MYO1D: variants seen among roughly 807,000 people sequenced by gnomAD.
MYO1D encodes the protein myosin ID.
A neutral mutation model predicts 122.0 loss-of-function variants in MYO1D; 83 were observed. The observed-to-expected ratio is 0.68, with a 90% CI of 0.57 to 0.82. The LOEUF (loss-of-function observed/expected upper bound fraction) is 0.82. Ranked by LOEUF, MYO1D falls within the 40% of genes least tolerant of loss-of-function variation. The pLI, the probability that MYO1D is intolerant of heterozygous loss-of-function variation, is 0.00. For synonymous variants in MYO1D, 464 were observed against 446.9 expected, an observed-to-expected ratio of 1.04 and a Z score of -0.48; for missense variants, 1,157 against 1,269.5, an observed-to-expected ratio of 0.91 and a Z score of 1.35.
At chr17:32,799,414 A>G (rs1386346366) in intron 1 of MYO1D, among the ~76,000 whole-genome samples, 2 of 152,156 alleles carry the variant, frequency 1.3e-5, no homozygotes, top group Non-Finnish European at 2.9e-5. Context: ...AAAATCTTTA[A>G]TTGTTCTAAA....
chr17:32,804,404 A>G (rs1389703405), intron 1 of MYO1D, among the ~76,000 whole-genome samples: 1 of 152,226 alleles, frequency 6.6e-6, no homozygotes, highest in Non-Finnish European at 1.5e-5. Flanking sequence ...TGGAGTTTAC[A>G]GGAATATACT....
intron 16 of MYO1D, among the ~76,000 whole-genome samples, chr17:32,675,717 T>A (rs1408200110): frequency 6.6e-6 from 1 of 152,204 alleles, no homozygotes; most frequent in Non-Finnish European, 1.5e-5. Flanking sequence ...GAATTCTTCA[T>A]AAATTAAGTG....
chr17:32,629,140 T>A (rs926184724), intron 20 of MYO1D, among the ~76,000 whole-genome samples: 1 of 145,436 alleles, frequency 6.9e-6, no homozygotes, highest in Non-Finnish European at 1.5e-5. Context: ...ACATTCTGTA[T>A]GATTCTAATT....
intron 1 of MYO1D, among the ~76,000 whole-genome samples, chr17:32,813,608 C>T (rs766232898): frequency 1.9e-4 from 29 of 152,016 alleles, no homozygotes; most frequent in Non-Finnish European, 3.7e-4. Flanking sequence ...GTTCAGTAAG[C>T]CTGGAGCACA....
At chr17:32,533,866 C>CA (rs1910582982) in intron 21 of MYO1D, among the ~76,000 whole-genome samples, 1 of 152,140 alleles carries the variant, frequency 6.6e-6, no homozygotes, top group South Asian at 2.1e-4. Flanking sequence ...AGATGCTCAT[C>CA]ATAGCATAAA....
rs768393889 is a variant in MYO1D, at chr17:32,654,481, G to A, written c.2486C>T (p.Ala829Val). The change falls in exon 18 of 22, where the codon GCT (alanine) becomes GTT (valine). Residue 829 changes from alanine (A) to valine (V), a missense_variant. By Grantham distance (64) the Ala-to-Val change is moderately conservative. Coordinates refer to ENST00000318217, the MANE Select transcript of MYO1D (RefSeq NM_015194.3). The stretch of plus-strand genomic sequence containing the variant: ...ACTTTGTTCCCTTGGACTTACTGAA[G>A]CAAGATAGTTGCCCTCCCAGGCCCT... ...LQRAWEGNYL[A>V]SKPDTPQTSG... 6.2e-7 allele frequency: 1 copy of A among 1,610,996 alleles called. No individual in the cohort carries two copies. The highest frequency in any genetic ancestry group is 1.3e-5 in the African/African-American group (1 of 74,766).
At chr17:32,554,368 C>T (rs899269545) in intron 21 of MYO1D, among the ~76,000 whole-genome samples, 9 of 152,202 alleles carry the variant, frequency 5.9e-5, no homozygotes, top group Non-Finnish European at 1.0e-4. Context: ...GTTAATTGGT[C>T]TCCCTGATAC....
In MYO1D at chr17:32,577,183, G is replaced by A. The variant is rs190972536; in HGVS notation, c.2864+27904C>T. On this transcript the variant is annotated intron_variant, in intron 21 of 21. Coordinates refer to ENST00000318217, the MANE Select transcript of MYO1D (RefSeq NM_015194.3). ...GGAGAATCACTTGAACCCGGGAGGCGGAGCTTGCAGTGAGCCGACATCGCA... is the reference window on the plus strand; with the variant it reads ...GGAGAATCACTTGAACCCGGGAGGCAGAGCTTGCAGTGAGCCGACATCGCA... Among the ~76,000 whole-genome samples, 9 of 146,364 alleles carry A rather than the reference G, an allele frequency of 6.1e-5. 1 individual carries two copies. The highest frequency in any genetic ancestry group is 3.7e-3 in the Middle Eastern group (1 of 272).
intron 6 of MYO1D, among the ~76,000 whole-genome samples, chr17:32,769,145 A>G (rs1390222985): frequency 2.0e-5 from 3 of 152,190 alleles, no homozygotes; most frequent in Non-Finnish European, 4.4e-5. Context: ...AACATGAGGG[A>G]AAGTGTTTAT....
At chr17:32,699,067 A>C (rs1202360574) in intron 16 of MYO1D, among the ~76,000 whole-genome samples, 1 of 152,184 alleles carries the variant, frequency 6.6e-6, no homozygotes, top group East Asian at 1.9e-4. Flanking sequence ...TCCGGGGTTC[A>C]AGCAATTCTC....
intron 11 of MYO1D, among the ~76,000 whole-genome samples, chr17:32,753,573 G>A (rs995663877): frequency 5.1e-4 from 78 of 152,286 alleles, no homozygotes; most frequent in African/African-American, 1.6e-3. Flanking sequence ...CAAATCAGTA[G>A]CAAATACTGA....
chr17:32,762,507 T>C (rs2090011639), intron 8 of MYO1D, among the ~76,000 whole-genome samples: 1 of 152,184 alleles, frequency 6.6e-6, no homozygotes, highest in African/African-American at 2.4e-5. Context: ...ATCCCCTTAA[T>C]TGACCTCTTT....
chr17:32,818,600 C>T (rs1291031161), intron 1 of MYO1D, among the ~76,000 whole-genome samples: 2 of 152,234 alleles, frequency 1.3e-5, no homozygotes, highest in African/African-American at 4.8e-5. Flanking sequence ...CTTCTCTAGC[C>T]TAAGTTTTAG....
intron 1 of MYO1D, among the ~76,000 whole-genome samples, chr17:32,874,205 C>T (rs1344009143): frequency 1.3e-5 from 2 of 152,022 alleles, no homozygotes; most frequent in African/African-American, 4.8e-5. Flanking sequence ...GACAAATAAT[C>T]ACCTAAGCTT....
chr17:32,502,130 TA>T (rs1909336410), intron 21 of MYO1D, among the ~76,000 whole-genome samples: 1 of 152,216 alleles, frequency 6.6e-6, no homozygotes, highest in Admixed American at 6.5e-5. Flanking sequence ...AACAGTTTGA[TA>T]GAGACTTTTC....
intron 21 of MYO1D, among the ~76,000 whole-genome samples, chr17:32,595,249 C>A (rs536944596): frequency 6.6e-5 from 10 of 152,098 alleles, no homozygotes; most frequent in Middle Eastern, 3.4e-3. Flanking sequence ...GAATATAGAA[C>A]CCTATTCTGT....
chr17:32,712,680 T>C (rs980147911), intron 15 of MYO1D, among the ~76,000 whole-genome samples: 4 of 152,192 alleles, frequency 2.6e-5, no homozygotes, highest in African/African-American at 9.7e-5. Flanking sequence ...AAAAAAACTA[T>C]TATAACTAAA....
At chr17:32,753,353 G>A (rs988575394) in intron 11 of MYO1D, among the ~76,000 whole-genome samples, 3 of 151,942 alleles carry the variant, frequency 2.0e-5, no homozygotes, top group Middle Eastern at 3.4e-3. Flanking sequence ...ATATATCCAC[G>A]TAACAAACCT....
intron 7 of MYO1D, among the ~76,000 whole-genome samples, chr17:32,765,971 G>A (rs764163622): frequency 2.0e-5 from 3 of 151,964 alleles, no homozygotes; most frequent in Non-Finnish European, 4.4e-5. Flanking sequence ...CAGCCTCAAC[G>A]TCCCAGGCTT....
Sources: allele counts gnomAD v4.1 joint callset (sites outside exome capture counted in the v4.1 genomes callset), GRCh38; gene constraint gnomAD v4.1.1; transcripts MANE v1.5; gene names NCBI Gene and HGNC (gene_info 2026-07-23, HGNC 2026-07-21).